Variants in COL15A1 observed in about 807,000 individuals in gnomAD.
COL15A1 encodes collagen type XV alpha 1 chain, also known as collagen alpha-1(XV) chain.
Under a neutral mutation model 165.9 loss-of-function variants are expected in COL15A1, and 111 were observed. The observed-to-expected ratio is 0.67, with a 90% CI of 0.57 to 0.78. The LOEUF (loss-of-function observed/expected upper bound fraction) is 0.78, where lower values mean the gene tolerates loss of function less well. Among genes scored for constraint, COL15A1 ranks in the 30% least tolerant of loss-of-function variants. The pLI, the probability that COL15A1 is intolerant of heterozygous loss-of-function variation, is 0.00. For missense variants in COL15A1, 1,745 were observed against 1,789.7 expected, an observed-to-expected ratio of 0.98 and a Z score of 0.45; for synonymous variants, 659 against 674.8, an observed-to-expected ratio of 0.98 and a Z score of 0.36.
At chr9:98,944,969 T>C (rs1385070305) in intron 2 of COL15A1, among the ~76,000 whole-genome samples, 1 of 152,182 alleles carries the variant, frequency 6.6e-6, no homozygotes, top group Non-Finnish European at 1.5e-5. Context: ...GCTGGCTGAG[T>C]GATCTTGGGC....
chr9:98,993,113 G>C (rs1267583744), intron 5 of COL15A1, among the ~76,000 whole-genome samples: 1 of 152,192 alleles, frequency 6.6e-6, no homozygotes, highest in African/African-American at 2.4e-5. Flanking sequence ...TTGAGCAAGT[G>C]ACTTAAGCTC....
chr9:98,944,694 G>A (rs1457117746), intron 2 of COL15A1, among the ~76,000 whole-genome samples: 1 of 152,248 alleles, frequency 6.6e-6, no homozygotes, highest in Non-Finnish European at 1.5e-5. Context: ...GGCTTTTGCT[G>A]CTCAAGAAAT....
chr9:99,052,242 G>T, intron 30 of COL15A1, 146 bp from the exon 31 acceptor site: 1 of 682,910 alleles, frequency 1.5e-6, no homozygotes, highest in Admixed American at 2.2e-5. Flanking sequence ...GGGGACTCAG[G>T]GCTTTGGGGG....
chr9:99,004,807 T>C lies in COL15A1; in HGVS notation c.1201-91T>C. 2.7e-6 allele frequency: 4 copies of C among 1,478,752 alleles called. No individual in the cohort carries two copies. The South Asian group carries it at 4.7e-5, about 17-fold the overall frequency. 91.6% of individuals were successfully genotyped at this position (1,478,752 alleles called of 1,614,324 possible). Reference sequence around the variant, plus strand: ...AAGTGAGGTCTTGGTGTGCAGGTGCTTTGAGGGGCCCTGGCCTTCTGTTCC... The same window carrying C: ...AAGTGAGGTCTTGGTGTGCAGGTGCCTTGAGGGGCCCTGGCCTTCTGTTCC... On this transcript the variant is annotated intron_variant, in intron 8 of 41. Transcript: ENST00000375001.
Position 99,055,375 on chromosome 9 carries a change from G to A in COL15A1, c.3192+3G>A, listed in dbSNP as rs1825706860. 1 of 1,584,052 alleles carries A rather than the reference G, an allele frequency of 6.3e-7. No homozygotes were observed. Among genetic ancestry groups the A allele is most frequent in the South Asian group, 1.1e-5 (1 of 90,460 alleles). On this transcript the variant is annotated splice_donor_region_variant and intron_variant, in intron 34 of 41. Transcript: ENST00000375001. ...TGCCCGGAAATCCAGGCCCGGCTGT[G>A]AGTAGAGACCCCTCCAAGTCATCTA... is the stretch of plus-strand genomic sequence containing the variant.
At chr9:99,023,913 C>A (rs1316149113) in intron 14 of COL15A1, among the ~76,000 whole-genome samples, 1 of 152,230 alleles carries the variant, frequency 6.6e-6, no homozygotes, top group Non-Finnish European at 1.5e-5. Context: ...CTCCCTGCCT[C>A]CCTCTCCAGG....
chr9:99,023,475 G>A, intron 14 of COL15A1, 26 bp downstream of exon 14: 4 of 1,059,720 alleles, frequency 3.8e-6, no homozygotes, highest in Non-Finnish European at 5.9e-6. Context: ...GACACGACCT[G>A]GTGTCTGGGA....
At position 99,070,181 on chromosome 9, in the gene COL15A1, A is replaced by G. The variant is rs966629916; in HGVS notation, c.*295A>G. ...GCAAGTTGAAAACAAAGGCCATGGC[A>G]TTCTGCCACTGCATCCTTCAGACAG... On this transcript the variant is annotated 3_prime_UTR_variant, in exon 42 of 42. Coordinates refer to ENST00000375001, the MANE Select transcript of COL15A1 (RefSeq NM_001855.5). 3.1e-6 allele frequency: 1 copy of G among 322,290 alleles called. No homozygotes were observed. The highest frequency in any genetic ancestry group is 5.8e-6 in the Non-Finnish European group (1 of 173,846). 20.0% of individuals were successfully genotyped at this position (322,290 alleles called of 1,614,324 possible).
At chr9:98,960,328 A>G (rs968692242) in intron 2 of COL15A1, among the ~76,000 whole-genome samples, 2 of 152,108 alleles carry the variant, frequency 1.3e-5, no homozygotes, top group African/African-American at 4.8e-5. Context: ...TGAGCCCAAG[A>G]GGTTAAGGCT....
At chr9:99,061,532 T>G (rs1025943541) in intron 36 of COL15A1, among the ~76,000 whole-genome samples, 1 of 152,224 alleles carries the variant, frequency 6.6e-6, no homozygotes, top group Admixed American at 6.5e-5. Context: ...TTGCCTTTCT[T>G]ATTCCAAATG....
chr9:98,982,359 TA>T (rs1222626204), intron 2 of COL15A1, among the ~76,000 whole-genome samples: 3 of 152,240 alleles, frequency 2.0e-5, no homozygotes, highest in Non-Finnish European at 2.9e-5. Flanking sequence ...AGTATTGAGA[TA>T]TTTTTCCAAG....
At position 99,022,147 on chromosome 9, in the gene COL15A1, C is replaced by T. The variant is rs1839038571; in HGVS notation, c.1758C>T (p.Pro586=). ...GPPEPSGPVG[P]TAGAEAEGSG... ...CTGAACCTTCTGGGCCTGTTGGACC[C>T]ACGGTGAGATTCCCATCCAGGCTTG... is the stretch of plus-strand genomic sequence containing the variant. Residue 586 remains proline, a synonymous_variant, in exon 13 of 42, where the codon CCC becomes CCT. Transcript: ENST00000375001. 6.2e-7 allele frequency: 1 copy of T among 1,613,934 alleles called. No individual in the cohort carries two copies. Among genetic ancestry groups the T allele is most frequent in the Non-Finnish European group, 8.5e-7 (1 of 1,179,984 alleles).
At chr9:99,007,036 A>G (rs1838774325) in intron 9 of COL15A1, among the ~76,000 whole-genome samples, 1 of 152,234 alleles carries the variant, frequency 6.6e-6, no homozygotes, top group African/African-American at 2.4e-5. Context: ...GACATCAATC[A>G]ATATATGTAA....
chr9:99,036,520 A>G (rs989812222), intron 21 of COL15A1, 124 bp downstream of exon 21: 5 of 922,288 alleles, frequency 5.4e-6, no homozygotes, highest in African/African-American at 5.0e-5. Flanking sequence ...GCCTGGTGTT[A>G]GAACTTCCAC....
intron 2 of COL15A1, among the ~76,000 whole-genome samples, chr9:98,984,122 A>T (rs1838271726): frequency 6.6e-6 from 1 of 151,936 alleles, no homozygotes; most frequent in Non-Finnish European, 1.5e-5. Context: ...TCTGATCCTC[A>T]CTCATTCCAG....
At chr9:98,968,269 G>A (rs947933768) in intron 2 of COL15A1, among the ~76,000 whole-genome samples, 1 of 152,260 alleles carries the variant, frequency 6.6e-6, no homozygotes, top group African/African-American at 2.4e-5. Context: ...TTCAGTGAAT[G>A]TGTGAGTTTC....
At chr9:99,037,394 G>A (rs1404532756) in intron 21 of COL15A1, among the ~76,000 whole-genome samples, 1 of 152,158 alleles carries the variant, frequency 6.6e-6, no homozygotes, top group Non-Finnish European at 1.5e-5. Context: ...CATGCACTCT[G>A]CATCAGGTCC....
rs1564073229 is a variant in COL15A1, at chr9:99,035,388, A to G, written c.2259A>G (p.Glu753=). 6.2e-7 allele frequency: 1 copy of G among 1,614,186 alleles called. No individual in the cohort carries two copies. Among genetic ancestry groups the G allele is most frequent in the South Asian group, 1.1e-5 (1 of 91,082 alleles). Reference sequence around the variant, plus strand: ...CTGGAAGCACCCAGCTATTGAATGAACCCAAACTCTCCAGACCAACGGCTG... The same window carrying G: ...CTGGAAGCACCCAGCTATTGAATGAGCCCAAACTCTCCAGACCAACGGCTG... ...EGSGSTQLLN[E]PKLSRPTAAI... The change falls in exon 19 of 42, where the codon GAA becomes GAG. Residue 753 remains glutamate, a synonymous_variant. Transcript: ENST00000375001.
At position 99,062,284 on chromosome 9, in the gene COL15A1, C is replaced by A. The variant is rs370120609; in HGVS notation, c.3571C>A (p.Pro1191Thr). 2.5e-6 allele frequency: 4 copies of A among 1,613,218 alleles called. No individual in the cohort carries two copies. The African/African-American group carries it at 5.3e-5, about 22-fold the overall frequency. The change falls in exon 38 of 42, where the codon CCC becomes ACC. Residue 1191 changes from proline (P) to threonine (T), a missense_variant. Transcript: ENST00000375001. Reference sequence around the variant, plus strand: ...CCCCATTCCTGCCGACAGCCCTCCACCCCCTGCGCTTTCCAGCAACGTGAG... The same window carrying A: ...CCCCATTCCTGCCGACAGCCCTCCAACCCCTGCGCTTTCCAGCAACGTGAG... ...LIPIPADSPP[P>T]PALSSNPHQL...
Sources: gnomAD v4.1 joint callset for allele counts (sites outside exome capture counted in the v4.1 genomes callset) on GRCh38, gnomAD v4.1.1 for gene constraint, MANE v1.5 for transcripts, NCBI Gene and HGNC (gene_info 2026-07-23, HGNC 2026-07-21) for gene names.